STXBP6: variants seen among roughly 807,000 people sequenced by gnomAD.
STXBP6 encodes the protein syntaxin-binding protein 6.
In STXBP6, 21 loss-of-function variants were observed where a neutral mutation model predicts 26.9. The observed-to-expected ratio is 0.78, with a 90% CI of 0.55 to 1.12. The LOEUF is 1.12. Ranked by LOEUF, STXBP6 falls within the 50% of genes most tolerant of loss-of-function variation. The pLI, the probability that STXBP6 is intolerant of heterozygous loss-of-function variation, is 0.00. For missense variants in STXBP6, 232 were observed against 257.9 expected (o/e 0.90, Z 0.69); for synonymous variants, 97 against 92.6 (o/e 1.05, Z -0.27).
At chr14:24,816,352 A>G (rs964527798) in intron 5 of STXBP6, 1 of 152,190 alleles carries the variant, frequency 6.6e-6, no homozygotes, top group African/African-American at 2.4e-5. Context: ...AGCCTATGCT[A>G]GCAGGTCCAA....
intron 2 of STXBP6, among the ~76,000 whole-genome samples, chr14:24,897,157 TC>T (rs1254775717): frequency 4.6e-5 from 7 of 152,060 alleles, no homozygotes; most frequent in African/African-American, 1.7e-4. Flanking sequence ...ATGCCTGTAA[TC>T]CCAGCACTTT....
intron 2 of STXBP6, among the ~76,000 whole-genome samples, chr14:24,943,507 T>C (rs1224588196): frequency 6.6e-6 from 1 of 152,230 alleles, no homozygotes; most frequent in Non-Finnish European, 1.5e-5. Flanking sequence ...AGCAAAACCT[T>C]AAATTTTCAC....
intron 3 of STXBP6, 52 bp downstream of exon 3, chr14:24,856,975 G>A: frequency 6.3e-7 from 1 of 1,591,904 alleles, no homozygotes; most frequent in Non-Finnish European, 8.6e-7. Flanking sequence ...GTCAATCAGA[G>A]AGTCATCTTG....
intron 4 of STXBP6, among the ~76,000 whole-genome samples, chr14:24,852,115 T>C (rs1310173398): frequency 6.6e-6 from 1 of 152,116 alleles, no homozygotes; most frequent in African/African-American, 2.4e-5. Flanking sequence ...AAATCTTTGT[T>C]AGAGATTAAC....
At chr14:24,884,028 T>C (rs1029936421) in intron 2 of STXBP6, among the ~76,000 whole-genome samples, 2 of 152,190 alleles carry the variant, frequency 1.3e-5, no homozygotes, top group African/African-American at 4.8e-5. Context: ...CTGTCTTCTC[T>C]TTAATAAATT....
At chr14:24,989,418 C>T (rs1055246088) in intron 1 of STXBP6, among the ~76,000 whole-genome samples, 1 of 152,198 alleles carries the variant, frequency 6.6e-6, no homozygotes, top group Non-Finnish European at 1.5e-5. Context: ...GAAATCGTCA[C>T]AGCGATTTGG....
At chr14:24,915,574 AT>A (rs2071736492) in intron 2 of STXBP6, among the ~76,000 whole-genome samples, 1 of 152,140 alleles carries the variant, frequency 6.6e-6, no homozygotes, top group African/African-American at 2.4e-5. Context: ...CTCTGAAGAC[AT>A]TTTTTTAAAG....
chr14:24,857,096 T>C lies in STXBP6; in HGVS notation c.216A>G (p.Thr72=). The C allele has an allele frequency of 6.2e-7, 1 of 1,613,042 alleles. No individual in the cohort carries two copies. Among genetic ancestry groups the C allele is most frequent in the Non-Finnish European group, 8.5e-7 (1 of 1,179,256 alleles). The stretch of plus-strand genomic sequence containing the variant: ...TCCACTGTGATCTCCGAACAAATGA[T>C]GTGGAGCCTTCAAACTGTTTGACCT... ...ITKVKQFEGS[T]SFVRRSQWML... is the part of the protein sequence containing the mutation. The change falls in exon 3 of 6, where the codon ACA becomes ACG. Residue 72 remains threonine, a synonymous_variant. Coordinates refer to ENST00000323944, the MANE Select transcript of STXBP6 (RefSeq NM_001394410.1).
At chr14:24,968,155 A>G (rs1002299788) in intron 2 of STXBP6, among the ~76,000 whole-genome samples, 14 of 144,916 alleles carry the variant, frequency 9.7e-5, no homozygotes, top group African/African-American at 2.6e-4. Context: ...AATATTCACT[A>G]TTTATATAAT....
intron 2 of STXBP6, among the ~76,000 whole-genome samples, chr14:24,913,804 C>G (rs2071660622): frequency 6.6e-6 from 1 of 152,096 alleles, no homozygotes; most frequent in Non-Finnish European, 1.5e-5. Context: ...CACATTTTAC[C>G]ACCAAGGAAG....
intron 2 of STXBP6, among the ~76,000 whole-genome samples, chr14:24,934,395 G>T (rs1389842775): frequency 6.6e-6 from 1 of 152,120 alleles, no homozygotes; most frequent in Non-Finnish European, 1.5e-5. Context: ...GAAAGTTATG[G>T]GAGAAAGAAA....
intron 1 of STXBP6, among the ~76,000 whole-genome samples, chr14:25,026,287 T>G (rs975408098): frequency 6.6e-6 from 1 of 151,962 alleles, no homozygotes; most frequent in Non-Finnish European, 1.5e-5. Flanking sequence ...AAAAAGAGAA[T>G]CTCAAGGGAA....
At chr14:24,849,859 C>T (rs854313) in intron 4 of STXBP6, among the ~76,000 whole-genome samples, 11,897 of 152,094 alleles carry the variant, frequency 0.078, 552 homozygotes, top group East Asian at 0.18. Flanking sequence ...GTGCATCTCC[C>T]AAGGATATTG....
intron 1 of STXBP6, among the ~76,000 whole-genome samples, chr14:25,038,793 G>A (rs908297815): frequency 2.6e-5 from 4 of 151,704 alleles, no homozygotes; most frequent in Non-Finnish European, 4.4e-5. Flanking sequence ...AAACCTACAC[G>A]TGTACCCTCG....
chr14:24,928,131 G>C (rs140275791), intron 2 of STXBP6, among the ~76,000 whole-genome samples: 26 of 152,212 alleles, frequency 1.7e-4, no homozygotes, highest in Non-Finnish European at 3.1e-4. Context: ...AGCACCCTAC[G>C]AACTTCCTCT....
Position 25,044,539 on chromosome 14 carries a change from G to A in STXBP6, c.-33+5339C>T, listed in dbSNP as rs74037470. On this transcript the variant is annotated intron_variant, in intron 1 of 5. Transcript: ENST00000323944. ...TGACTGCTTTCATCCTGAGTGTTGC[G>A]CCTCCACTCCTGCAACCAGCTGTCC... 6.3e-3 allele frequency among the ~76,000 whole-genome samples: 963 copies of A among 152,212 alleles called. 10 individuals are homozygous for A. Among genetic ancestry groups the A allele is most frequent in the African/African-American group, 0.022 (902 of 41,532 alleles).
intron 2 of STXBP6, among the ~76,000 whole-genome samples, chr14:24,944,848 G>A (rs1249280001): frequency 6.6e-6 from 1 of 152,050 alleles, no homozygotes; most frequent in Non-Finnish European, 1.5e-5. Context: ...TGGGGAGTTT[G>A]TTTGGAGTGT....
intron 2 of STXBP6, among the ~76,000 whole-genome samples, chr14:24,955,375 C>T (rs2073307922): frequency 6.6e-6 from 1 of 152,180 alleles, no homozygotes; most frequent in Admixed American, 6.5e-5. Flanking sequence ...GCTGTAACAG[C>T]CAACTAACCT....
At chr14:24,903,220 G>C (rs998032727) in intron 2 of STXBP6, among the ~76,000 whole-genome samples, 16 of 152,026 alleles carry the variant, frequency 1.1e-4, no homozygotes, top group Admixed American at 7.9e-4. Flanking sequence ...CTTTTGATTT[G>C]ATTATTCTCT....
Sources: allele counts gnomAD v4.1 joint callset (sites outside exome capture counted in the v4.1 genomes callset), GRCh38; gene constraint gnomAD v4.1.1; transcripts MANE v1.5; gene names NCBI Gene and HGNC (gene_info 2026-07-23, HGNC 2026-07-21).